The following PLEKHB2 variants were observed in gnomAD, a reference collection of about 807,000 sequenced individuals.
PLEKHB2 encodes pleckstrin homology domain-containing family B member 2.
A neutral mutation model predicts 36.5 loss-of-function variants in PLEKHB2; 31 were observed. That is an observed-to-expected ratio of 0.85 (90% CI 0.64 to 1.15). PLEKHB2 has a LOEUF of 1.15. PLEKHB2 is among the 50% of genes most tolerant of loss of function. PLEKHB2 has a pLI of 0.00. For missense variants in PLEKHB2, 262 were observed against 295.3 expected, an observed-to-expected ratio of 0.89 and a Z score of 0.83; for synonymous variants, 119 against 112.0, an observed-to-expected ratio of 1.06 and a Z score of -0.39.
At chr2:131,128,368 A>C (rs1697311295) in intron 4 of PLEKHB2, among the ~76,000 whole-genome samples, 1 of 152,242 alleles carries the variant, frequency 6.6e-6, no homozygotes, top group Non-Finnish European at 1.5e-5. Context: ...TGCAAGCCTC[A>C]GGAAAAGCTC....
intron 5 of PLEKHB2, among the ~76,000 whole-genome samples, chr2:131,131,242 C>G (rs3792004): frequency 0.18 from 27,759 of 152,172 alleles, 3,103 homozygotes; most frequent in African/African-American, 0.32. Flanking sequence ...TGGCAGGAGG[C>G]ACCCTGCTCT....
chr2:131,122,043 C>T (rs1281258880), intron 2 of PLEKHB2, among the ~76,000 whole-genome samples: 11 of 152,012 alleles, frequency 7.2e-5, no homozygotes, highest in Admixed American at 4.6e-4. Flanking sequence ...GGATTACAGG[C>T]GCACGCCACC....
intron 6 of PLEKHB2, among the ~76,000 whole-genome samples, chr2:131,136,464 C>T (rs1160685611): frequency 2.6e-5 from 4 of 151,442 alleles, no homozygotes; most frequent in African/African-American, 9.8e-5. Context: ...CCTGCCTGGG[C>T]CTCCCAAAGT....
At position 131,130,735 on chromosome 2, in the gene PLEKHB2, C is replaced by T; in HGVS notation, c.308C>T (p.Thr103Ile). The T allele has an allele frequency of 1.2e-6, 2 of 1,610,962 alleles. No individual in the cohort carries two copies. Among genetic ancestry groups the T allele is most frequent in the South Asian group, 1.1e-5 (1 of 90,910 alleles). ...STDDCLAWKF[T>I]LQDSRTNTAY... ...CTTTTCTCCAGGGCCTGGAAATTTA[C>T]ACTCCAAGATTCTAGGACAAACACA... The change falls in exon 5 of 8, where the codon ACA becomes ATA. Residue 103 changes from threonine to isoleucine, a missense_variant. Transcript: ENST00000693505.
Position 131,138,981 on chromosome 2 carries a change from C to T in PLEKHB2, c.424-1186C>T, listed in dbSNP as rs182439395. ...GCCCGGCAGTGCCTTGCTATTTGGCCTGCTGAGCATGGAAATTCAGGCTCT... is the reference window on the plus strand; with the variant it reads ...GCCCGGCAGTGCCTTGCTATTTGGCTTGCTGAGCATGGAAATTCAGGCTCT... On this transcript the variant is annotated intron_variant, in intron 6 of 7. Coordinates refer to ENST00000693505, the MANE Select transcript of PLEKHB2 (RefSeq NM_001100623.2). Among the ~76,000 whole-genome samples the T allele has an allele frequency of 3.4e-3, 521 of 152,300 alleles. 9 individuals are homozygous for T. The highest frequency in any genetic ancestry group is 0.024 in the Admixed American group (361 of 15,298).
In PLEKHB2 at chr2:131,126,802, TTA is replaced by T. The variant is rs1233798919; in HGVS notation, c.293+18_293+19del. The T allele has an allele frequency of 5.9e-6, 8 of 1,366,300 alleles. No individual in the cohort carries two copies. The highest frequency in any genetic ancestry group is 8.3e-6 in the Non-Finnish European group (8 of 958,746). The allele number at this position is 1,366,300 out of a possible 1,614,324, so 84.6% of individuals were successfully genotyped here. A position where few individuals can be genotyped will look rare whatever the true frequency, so the allele number is the denominator to read the frequency against. On this transcript the variant is annotated intron_variant, in intron 4 of 7. Transcript: ENST00000693505. ...ATGATTGCTTGTAAGTTTTGCTTTC[TTA>T]TGTGTTTAATTTAAAAAGTATTTTC...
intron 2 of PLEKHB2, among the ~76,000 whole-genome samples, chr2:131,121,818 G>A (rs1274793449): frequency 1.3e-5 from 2 of 152,120 alleles, no homozygotes; most frequent in Non-Finnish European, 2.9e-5. Flanking sequence ...ACTTTCCTAG[G>A]CTTATCTCTG....
intron 4 of PLEKHB2, among the ~76,000 whole-genome samples, chr2:131,128,279 G>A (rs1697298709): frequency 1.3e-5 from 2 of 152,150 alleles, no homozygotes; most frequent in Non-Finnish European, 2.9e-5. Context: ...CACTTCCCAT[G>A]TTAAACGTGA....
At chr2:131,125,323 T>C (rs777493561) in intron 2 of PLEKHB2, among the ~76,000 whole-genome samples, 10 of 152,344 alleles carry the variant, frequency 6.6e-5, no homozygotes, top group Admixed American at 1.3e-4. Context: ...AACTTCTAAG[T>C]TGGTTGGCAG....
rs146601799 is a variant in PLEKHB2 at position 131,127,917 on chromosome 2, A to C, written c.293+1131A>C. On this transcript the variant is annotated intron_variant, in intron 4 of 7. Coordinates refer to ENST00000693505, the MANE Select transcript of PLEKHB2 (RefSeq NM_001100623.2). Reference sequence around the variant, plus strand: ...AGGCTGGACGGTTCTCCCAGGACTCATCATTGCAGGGCAGTGAAAGGCACT... The same window carrying C: ...AGGCTGGACGGTTCTCCCAGGACTCCTCATTGCAGGGCAGTGAAAGGCACT... Among the ~76,000 whole-genome samples the C allele has an allele frequency of 1.3e-3, 200 of 152,356 alleles. 1 individual carries two copies. The East Asian group carries it at 0.016, about 12-fold the overall frequency.
At chr2:131,130,340 G>A (rs544248325) in intron 4 of PLEKHB2, among the ~76,000 whole-genome samples, 83 of 152,030 alleles carry the variant, frequency 5.5e-4, no homozygotes, top group African/African-American at 8.0e-4. Context: ...CACTACATCC[G>A]GTCCCCAGCA....
intron 2 of PLEKHB2, among the ~76,000 whole-genome samples, chr2:131,121,965 C>T (rs1573559245): frequency 6.6e-6 from 1 of 152,214 alleles, no homozygotes; most frequent in East Asian, 1.9e-4. Context: ...CAGGCGCGAT[C>T]TTGGCTCACT....
chr2:131,107,642 A>G (rs1310154701), intron 1 of PLEKHB2: 1 of 152,210 alleles, frequency 6.6e-6, no homozygotes, highest in East Asian at 1.9e-4. Context: ...TAGTAATGTA[A>G]TTGTAGCAGT....
At chr2:131,112,879 T>A (rs909436288) in intron 1 of PLEKHB2, among the ~76,000 whole-genome samples, 2 of 152,196 alleles carry the variant, frequency 1.3e-5, no homozygotes, top group African/African-American at 4.8e-5. Flanking sequence ...GCCGGCTTTA[T>A]GTTCTTCAGA....
At chr2:131,125,441 A>G (rs950427076) in intron 2 of PLEKHB2, among the ~76,000 whole-genome samples, 2 of 152,148 alleles carry the variant, frequency 1.3e-5, no homozygotes, top group Non-Finnish European at 2.9e-5. Context: ...GGGTAATTCT[A>G]TACAGGTGTA....
intron 4 of PLEKHB2, among the ~76,000 whole-genome samples, chr2:131,127,905 C>A (rs1697256079): frequency 1.3e-5 from 2 of 152,182 alleles, no homozygotes; most frequent in Non-Finnish European, 2.9e-5. Context: ...CTGGACGGTT[C>A]TCCCAGGACT....
chr2:131,125,820 T>C lies in PLEKHB2; in HGVS notation c.105T>C (p.Tyr35=), dbSNP rs767801258. The part of the protein sequence containing the change: ...DLWSDGHLIY[Y]DDQTRQNIED... ...GGTCGGATGGTCACCTGATCTATTATGATGACCAGACTCGGCAGAATATCG... is the reference window on the plus strand; with the variant it reads ...GGTCGGATGGTCACCTGATCTATTACGATGACCAGACTCGGCAGAATATCG... Residue 35 remains tyrosine, a synonymous_variant, in exon 3 of 8, where the codon TAT becomes TAC. Transcript: ENST00000693505. The C allele has an allele frequency of 1.1e-5, 17 of 1,613,274 alleles. No homozygotes were observed. The South Asian group carries it at 1.5e-4, about 15-fold the overall frequency.
At chr2:131,121,753 G>C (rs1696541129) in intron 2 of PLEKHB2, among the ~76,000 whole-genome samples, 1 of 152,110 alleles carries the variant, frequency 6.6e-6, no homozygotes, top group Non-Finnish European at 1.5e-5. Context: ...AAACTTTTGT[G>C]TCTCCAAAAG....
In PLEKHB2 at chr2:131,140,291, CT is replaced by C. The variant is rs761358871; in HGVS notation, c.532+19del. ...CCATATGCAGGTAACTCACGCCGGC[CT>C]TTCATTCCTCATTTCTCTCCATTTG... On this transcript the variant is annotated intron_variant, in intron 7 of 7. Transcript: ENST00000693505. The C allele has an allele frequency of 1.9e-5, 26 of 1,339,822 alleles. No individual in the cohort carries two copies. The highest frequency in any genetic ancestry group is 2.6e-5 in the Non-Finnish European group (24 of 934,134). The allele number at this position is 1,339,822 out of a possible 1,614,324, so 83.0% of individuals were successfully genotyped here.
Sources: gnomAD v4.1 joint callset for allele counts (sites outside exome capture counted in the v4.1 genomes callset) on GRCh38, gnomAD v4.1.1 for gene constraint, MANE v1.5 for transcripts, NCBI Gene and HGNC (gene_info 2026-07-23, HGNC 2026-07-21) for gene names.